VWA3A: variants seen among roughly 807,000 people sequenced by gnomAD.
VWA3A encodes von Willebrand factor A domain-containing protein 3A.
A neutral mutation model predicts 160.4 loss-of-function variants in VWA3A; 134 were observed. That is an observed-to-expected ratio of 0.84 (90% CI 0.73 to 0.96). The LOEUF (loss-of-function observed/expected upper bound fraction) is 0.96, where lower values mean the gene tolerates loss of function less well. Among genes scored for constraint, VWA3A ranks in the 40% least tolerant of loss-of-function variants. The pLI is 0.00. For missense variants in VWA3A, 1,310 were observed against 1,447.9 expected, an observed-to-expected ratio of 0.90 and a Z score of 1.55; for synonymous variants, 476 against 543.4, an observed-to-expected ratio of 0.88 and a Z score of 1.72.
In VWA3A at chr16:22,134,348, A is replaced by C. The variant is rs533886078; in HGVS notation, c.2069-20A>C. 1.3e-6 allele frequency: 2 copies of C among 1,584,980 alleles called. No individual in the cohort carries two copies. Among genetic ancestry groups the C allele is most frequent in the South Asian group, 1.2e-5 (1 of 86,510 alleles). ...ATCCACACCCTGTCTCACCTTGCTC[A>C]CGATGTGCTTTGTTTCCAGGCATTT... On this transcript the variant is annotated intron_variant, in intron 20 of 33. Transcript: ENST00000389398.
At chr16:22,131,857 G>A in intron 19 of VWA3A, 128 bp downstream of exon 19, 1 of 1,298,960 alleles carries the variant, frequency 7.7e-7, no homozygotes, top group South Asian at 1.6e-5. Context: ...TTAATGTATA[G>A]ACAAGCACCT....
Position 22,140,212 on chromosome 16 carries a change from G to T in VWA3A, c.2351G>T (p.Arg784Leu), listed in dbSNP as rs564353975. ...KSPPLKSLKW[R>L]PLSSRVGISP... is the part of the protein sequence containing the mutation. The stretch of plus-strand genomic sequence containing the variant: ...CCCCCGCTGAAATCTCTGAAATGGC[G>T]TCCACTCAGTAGCAGAGTTGGCATC... The change falls in exon 23 of 34, where the codon CGT becomes CTT. Residue 784 changes from arginine (R) to leucine (L), a missense_variant. Arg to Leu is a moderately radical substitution (Grantham distance 102). Coordinates refer to ENST00000389398, the MANE Select transcript of VWA3A (RefSeq NM_173615.5). 6.2e-7 allele frequency: 1 copy of T among 1,613,642 alleles called. No homozygotes were observed. Among genetic ancestry groups the T allele is most frequent in the East Asian group, 2.2e-5 (1 of 44,882 alleles).
intron 1 of VWA3A, among the ~76,000 whole-genome samples, chr16:22,095,256 C>G (rs1177292461): frequency 6.6e-6 from 1 of 152,064 alleles, no homozygotes; most frequent in Non-Finnish European, 1.5e-5. Context: ...GCTGAAATGT[C>G]AAGATGATTA....
chr16:22,119,977 C>T (rs1356326353), intron 12 of VWA3A, among the ~76,000 whole-genome samples: 1 of 150,764 alleles, frequency 6.6e-6, no homozygotes, highest in Non-Finnish European at 1.5e-5. Context: ...TAGATAGTCC[C>T]ACTGCACTCC....
Position 22,149,835 on chromosome 16 carries a change from G to A in VWA3A, c.3033G>A (p.Thr1011=), listed in dbSNP as rs764142228. ...FAESFQSWQD[T]LVETTDAACH... is the part of the protein sequence containing the mutation. The stretch of plus-strand genomic sequence containing the variant: ...AGAGCTTTCAGTCATGGCAGGACAC[G>A]CTGGTGGAGACCACAGATGCAGCGT... The change falls in exon 29 of 34, where the codon ACG becomes ACA. Residue 1011 remains threonine (T), a synonymous_variant. Transcript: ENST00000389398. 41 of 1,602,868 alleles carry A rather than the reference G, an allele frequency of 2.6e-5. 1 individual carries two copies. The highest frequency in any genetic ancestry group is 7.9e-5 in the South Asian group (7 of 88,546).
chr16:22,123,327 T>G, intron 15 of VWA3A, 162 bp downstream of exon 15: 1 of 1,114,812 alleles, frequency 9.0e-7, no homozygotes, highest in Non-Finnish European at 1.3e-6. Context: ...GGCCATCTCC[T>G]CCCCAAGCAG....
At chr16:22,117,557 A>T (rs1261216628) in intron 11 of VWA3A, among the ~76,000 whole-genome samples, 1 of 152,172 alleles carries the variant, frequency 6.6e-6, no homozygotes, top group Non-Finnish European at 1.5e-5. Context: ...TCTCTCCTAG[A>T]TCAACTCCTG....
intron 1 of VWA3A, among the ~76,000 whole-genome samples, chr16:22,094,649 G>A (rs970780323): frequency 1.3e-5 from 2 of 152,082 alleles, no homozygotes; most frequent in African/African-American, 2.4e-5. Context: ...ACACGTGCCT[G>A]GGATATATAA....
In VWA3A at chr16:22,142,748, G is replaced by C; in HGVS notation, c.2575G>C (p.Val859Leu). Residue 859 changes from valine (V) to leucine (L), a missense_variant, in exon 25 of 34, where the codon GTT (valine) becomes CTT (leucine). Transcript: ENST00000389398. ...TATTGACTTACCCAGAAAGGATACA[G>C]TTTGCTCAAGCCAAGAGGTATTAAG... ...SSIDLPRKDT[V>L]CSSQEWVAKY... 1 of 1,570,288 alleles carries C rather than the reference G, an allele frequency of 6.4e-7. No homozygotes were observed. Among genetic ancestry groups the C allele is most frequent in the African/African-American group, 1.3e-5 (1 of 74,130 alleles).
chr16:22,137,952 G>A (rs986571520), intron 21 of VWA3A, among the ~76,000 whole-genome samples: 2 of 152,166 alleles, frequency 1.3e-5, no homozygotes, highest in Non-Finnish European at 2.9e-5. Context: ...AAGAAGTGGG[G>A]CTATGTGCAG....
At chr16:22,130,044 G>A (rs1373369413) in intron 17 of VWA3A, among the ~76,000 whole-genome samples, 2 of 152,170 alleles carry the variant, frequency 1.3e-5, no homozygotes, top group East Asian at 3.9e-4. Context: ...AAAAATCAGT[G>A]GGTCTCAGCG....
At position 22,109,506 on chromosome 16, in the gene VWA3A, A is replaced by G; in HGVS notation, c.508A>G (p.Arg170Gly). The G allele has an allele frequency of 1.9e-6, 3 of 1,610,394 alleles. No homozygotes were observed. Among genetic ancestry groups the G allele is most frequent in the Non-Finnish European group, 2.5e-6 (3 of 1,178,454 alleles). The change falls in exon 7 of 34, where the codon AGA (arginine) becomes GGA (glycine). Residue 170 changes from arginine to glycine, a missense_variant. Physicochemically the swap from Arg to Gly is moderately radical, Grantham distance 125 (BLOSUM62 -2). Coordinates refer to ENST00000389398, the MANE Select transcript of VWA3A (RefSeq NM_173615.5). Reference protein sequence around the residue: ...KKAFGLIKGARVSILIDVSAI... With the variant: ...KKAFGLIKGAGVSILIDVSAI... ...GGCATTTGGCCTCATCAAAGGGGCCAGAGTCAGCATCCTCATAGATGTGTC... is the reference window on the plus strand; with the variant it reads ...GGCATTTGGCCTCATCAAAGGGGCCGGAGTCAGCATCCTCATAGATGTGTC...
intron 17 of VWA3A, among the ~76,000 whole-genome samples, chr16:22,128,275 G>A (rs1476583202): frequency 6.6e-6 from 1 of 152,186 alleles, no homozygotes; most frequent in East Asian, 1.9e-4. Flanking sequence ...AAGCAATGCT[G>A]TGAAGGAGGA....
In VWA3A at chr16:22,146,289, G is replaced by C. The variant is rs373622648; in HGVS notation, c.2784G>C (p.Arg928Ser). ...WTPREMEVYI[R>S]HLEKVLRRYV... is the part of the protein sequence containing the mutation. ...CCAGGGAGATGGAGGTGTACATCAG[G>C]CACTTGGAGAAGGTGTTAAGGCGCT... Residue 928 changes from arginine (R) to serine (S), a missense_variant, in exon 27 of 34, where the codon AGG becomes AGC. By Grantham distance (110) the Arg-to-Ser change is moderately radical. Coordinates refer to ENST00000389398, the MANE Select transcript of VWA3A (RefSeq NM_173615.5). 2.7e-5 allele frequency: 44 copies of C among 1,613,592 alleles called. No individual in the cohort carries two copies. The highest frequency in any genetic ancestry group is 6.7e-5 in the African/African-American group (5 of 74,886).
chr16:22,145,537 G>A (rs1159792300), intron 26 of VWA3A, among the ~76,000 whole-genome samples: 1 of 151,834 alleles, frequency 6.6e-6, no homozygotes, highest in East Asian at 1.9e-4. Flanking sequence ...TACTCAGGAG[G>A]CTGAGGCAGG....
rs1007155051 is a variant in VWA3A, at chr16:22,097,750, G to A, written c.225+55G>A. The stretch of plus-strand genomic sequence containing the variant: ...TGATACTACAAATCATTCAGAGAAT[G>A]CACAGTGTGTTAAATTCTGGGGATT... On this transcript the variant is annotated intron_variant, in intron 3 of 33. Transcript: ENST00000389398. The A allele has an allele frequency of 2.4e-5, 37 of 1,542,504 alleles. No homozygotes were observed. The African/African-American group carries it at 4.3e-4, about 18-fold the overall frequency.
chr16:22,123,747 G>C, intron 16 of VWA3A, 40 bp downstream of exon 16: 1 of 1,553,860 alleles, frequency 6.4e-7, no homozygotes, highest in African/African-American at 1.4e-5. Flanking sequence ...TCATGGGTCT[G>C]GTGTGTGACG....
At chr16:22,120,224 T>C (rs1010771870) in intron 12 of VWA3A, among the ~76,000 whole-genome samples, 2 of 152,172 alleles carry the variant, frequency 1.3e-5, no homozygotes, top group Non-Finnish European at 2.9e-5. Flanking sequence ...AACCCAGGTC[T>C]AAGGCCCAAA....
At position 22,140,178 on chromosome 16, in the gene VWA3A, G is replaced by C. The variant is rs1349511858; in HGVS notation, c.2317G>C (p.Glu773Gln). 1 of 1,613,706 alleles carries C rather than the reference G, an allele frequency of 6.2e-7. No individual in the cohort carries two copies. The change falls in exon 23 of 34, where the codon GAG becomes CAG. Residue 773 changes from glutamate to glutamine, a missense_variant. Coordinates refer to ENST00000389398, the MANE Select transcript of VWA3A (RefSeq NM_173615.5). ...RMSIKDDPDR[E>Q]KSPPLKSLKW... Reference sequence around the variant, plus strand: ...GAGCATTAAAGATGACCCTGACAGAGAGAAGAGCCCCCCGCTGAAATCTCT... The same window carrying C: ...GAGCATTAAAGATGACCCTGACAGACAGAAGAGCCCCCCGCTGAAATCTCT...
Sources: allele counts gnomAD v4.1 joint callset (sites outside exome capture counted in the v4.1 genomes callset), GRCh38; gene constraint gnomAD v4.1.1; transcripts MANE v1.5; gene names NCBI Gene and HGNC (gene_info 2026-07-23, HGNC 2026-07-21).